TENM3: variants seen among roughly 807,000 people sequenced by gnomAD.
TENM3 encodes the protein teneurin transmembrane protein 3, also known as teneurin-3.
In TENM3, 63 loss-of-function variants were observed where a neutral mutation model predicts 255.1. The observed-to-expected ratio is 0.25, with a 90% CI of 0.20 to 0.30. The LOEUF is 0.30. TENM3 is among the 10% of genes least tolerant of loss of function. TENM3 has a pLI of 1.00. For synonymous variants in TENM3, 1,306 were observed against 1,322.3 expected, an observed-to-expected ratio of 0.99 and a Z score of 0.27; for missense variants, 2,929 against 3,461.1, an observed-to-expected ratio of 0.85 and a Z score of 3.86.
At chr4:182,405,303 T>C (rs1769487339) in intron 3 of TENM3, among the ~76,000 whole-genome samples, 2 of 152,202 alleles carry the variant, frequency 1.3e-5, no homozygotes, top group South Asian at 4.1e-4. Flanking sequence ...AGATGTTGCG[T>C]AATTTTGGTG....
intron 1 of TENM3, among the ~76,000 whole-genome samples, chr4:182,196,767 A>T (rs13115107): frequency 1.3e-5 from 2 of 152,106 alleles, no homozygotes; most frequent in East Asian, 3.9e-4. Context: ...TTTTCTACAC[A>T]TTTGAAAGGA....
chr4:181,828,851 A>G, the TENM3 span, among the ~76,000 whole-genome samples: 2 of 152,026 alleles, frequency 1.3e-5, no homozygotes, highest in Non-Finnish European at 2.9e-5. Flanking sequence ...CGGCCTCCCA[A>G]AGTGCTGGGA....
At chr4:182,761,372 T>TTG in intron 22 of TENM3, among the ~76,000 whole-genome samples, 1 of 151,970 alleles carries the variant, frequency 6.6e-6, no homozygotes, top group Non-Finnish European at 1.5e-5. Context: ...TGAGCCAAGA[T>TTG]CACGCCACTG....
At chr4:181,944,165 T>C in the TENM3 span, among the ~76,000 whole-genome samples, 1 of 152,154 alleles carries the variant, frequency 6.6e-6, no homozygotes, top group East Asian at 1.9e-4. Flanking sequence ...TGCTGGATTA[T>C]GGAGGCTGAG....
At chr4:181,842,455 T>C in the TENM3 span, among the ~76,000 whole-genome samples, 1 of 152,238 alleles carries the variant, frequency 6.6e-6, no homozygotes, top group Admixed American at 6.5e-5. Context: ...AGTGCATAAC[T>C]AACCAATTCC....
At chr4:182,249,373 C>A (rs1757846849) in intron 1 of TENM3, among the ~76,000 whole-genome samples, 1 of 152,198 alleles carries the variant, frequency 6.6e-6, no homozygotes, top group Non-Finnish European at 1.5e-5. Flanking sequence ...AAATCTATGA[C>A]TTACAACAAA....
At chr4:182,484,000 G>A (rs745450362) in intron 3 of TENM3, among the ~76,000 whole-genome samples, 12 of 151,962 alleles carry the variant, frequency 7.9e-5, no homozygotes, top group Non-Finnish European at 1.5e-4. Flanking sequence ...TGAGATCTGT[G>A]TGGGGACACA....
the TENM3 span, among the ~76,000 whole-genome samples, chr4:181,821,252 G>A: frequency 6.6e-6 from 1 of 152,172 alleles, no homozygotes; most frequent in South Asian, 2.1e-4. Context: ...CAGATTCCCC[G>A]CTCCTGGCCC....
At chr4:181,773,979 T>G in the TENM3 span, among the ~76,000 whole-genome samples, 1 of 150,702 alleles carries the variant, frequency 6.6e-6, no homozygotes, top group Admixed American at 6.6e-5. Context: ...TTAATTTGAT[T>G]ATCAGAGGAC....
At chr4:182,184,800 A>G (rs866479704) in intron 1 of TENM3, among the ~76,000 whole-genome samples, 1 of 152,036 alleles carries the variant, frequency 6.6e-6, no homozygotes, top group African/African-American at 2.4e-5. Flanking sequence ...AAAAACCTCT[A>G]TTTTGGCCGG....
At chr4:182,759,232 C>T (rs866013017) in intron 22 of TENM3, among the ~76,000 whole-genome samples, 2 of 152,152 alleles carry the variant, frequency 1.3e-5, no homozygotes, top group Non-Finnish European at 2.9e-5. Context: ...CTTTGTGGCT[C>T]CCACCACTCC....
At chr4:181,555,632 A>G in the TENM3 span, among the ~76,000 whole-genome samples, 5 of 152,212 alleles carry the variant, frequency 3.3e-5, no homozygotes, top group Non-Finnish European at 7.3e-5. Context: ...TACGAGATAC[A>G]GAAAAGGTTA....
chr4:182,018,298 G>T, the TENM3 span, among the ~76,000 whole-genome samples: 1 of 152,250 alleles, frequency 6.6e-6, no homozygotes, highest in African/African-American at 2.4e-5. Flanking sequence ...AGCCAATGCT[G>T]CAGTCTCACA....
the TENM3 span, among the ~76,000 whole-genome samples, chr4:181,895,412 T>A: frequency 6.6e-6 from 1 of 152,140 alleles, no homozygotes; most frequent in Non-Finnish European, 1.5e-5. Flanking sequence ...TAATAAACAT[T>A]ATCTCAGCAC....
At chr4:182,714,314 CCAAAAAAA>C in intron 13 of TENM3, 81 bp downstream of exon 13, 1 of 121,846 alleles carries the variant, frequency 8.2e-6, no homozygotes, top group African/African-American at 1.1e-4. Context: ...ATATCTGTTG[CCAAAAAAA>C]AAAAAAAAAA....
At chr4:182,488,193 T>C (rs909510561) in intron 3 of TENM3, among the ~76,000 whole-genome samples, 1 of 152,142 alleles carries the variant, frequency 6.6e-6, no homozygotes, top group African/African-American at 2.4e-5. Flanking sequence ...GGGGTCATTG[T>C]TGAAACAGTT....
chr4:182,606,032 G>GT (rs1336092748), intron 4 of TENM3, among the ~76,000 whole-genome samples: 2 of 152,292 alleles, frequency 1.3e-5, no homozygotes, highest in Non-Finnish European at 2.9e-5. Flanking sequence ...TTGAATGCAG[G>GT]TAAGGCTCCA....
At chr4:181,548,950 G>A in the TENM3 span, among the ~76,000 whole-genome samples, 1 of 152,156 alleles carries the variant, frequency 6.6e-6, no homozygotes, top group African/African-American at 2.4e-5. Flanking sequence ...GAAGGTAACT[G>A]GAGCCCAAAG....
intron 1 of TENM3, among the ~76,000 whole-genome samples, chr4:182,180,031 C>G (rs1279892216): frequency 1.3e-5 from 2 of 151,724 alleles, no homozygotes; most frequent in South Asian, 2.1e-4. Context: ...TATGTACTTA[C>G]TTAAGTATTT....
Sources: allele counts gnomAD v4.1 joint callset (sites outside exome capture counted in the v4.1 genomes callset), GRCh38; gene constraint gnomAD v4.1.1; transcripts MANE v1.5; gene names NCBI Gene and HGNC (gene_info 2026-07-23, HGNC 2026-07-21).